PRELID2: variants seen among roughly 807,000 people sequenced by gnomAD.
PRELID2 encodes the protein PRELI domain containing 2, also known as PRELI domain-containing protein 2.
Under a neutral mutation model 28.4 loss-of-function variants are expected in PRELID2, and 25 were observed. The ratio of observed to expected loss-of-function variants is 0.88; its 90% CI spans 0.64 to 1.23. The LOEUF (loss-of-function observed/expected upper bound fraction) is 1.23, where lower values mean the gene tolerates loss of function less well. Ranked by LOEUF, PRELID2 falls within the 50% of genes most tolerant of loss-of-function variation. PRELID2 has a pLI of 0.00. For missense variants in PRELID2, 201 were observed against 214.4 expected (o/e 0.94, Z 0.39); for synonymous variants, 76 against 71.6 (o/e 1.06, Z -0.31).
At chr5:145,499,571 T>G (rs1039741128) in intron 1 of PRELID2, among the ~76,000 whole-genome samples, 4 of 152,196 alleles carry the variant, frequency 2.6e-5, no homozygotes, top group Non-Finnish European at 5.9e-5. Context: ...GTCAGGCATC[T>G]ATGCCAGAGA....
At chr5:145,808,300 C>A (rs1470459488) in intron 4 of PRELID2, among the ~76,000 whole-genome samples, 1 of 151,880 alleles carries the variant, frequency 6.6e-6, no homozygotes, top group East Asian at 1.9e-4. Flanking sequence ...AATGCCAGTG[C>A]CAATCTTAAA....
At chr5:145,448,340 T>C in the PRELID2 span, among the ~76,000 whole-genome samples, 1 of 151,972 alleles carries the variant, frequency 6.6e-6, no homozygotes, top group Non-Finnish European at 1.5e-5. Context: ...TCTTGTAAAT[T>C]TGTTTGAGTT....
chr5:145,353,394 C>T, the PRELID2 span, among the ~76,000 whole-genome samples: 1 of 151,666 alleles, frequency 6.6e-6, no homozygotes, highest in Non-Finnish European at 1.5e-5. Flanking sequence ...ACCCAGGAGC[C>T]AGAGGTTGCA....
At chr5:145,386,608 T>C in the PRELID2 span, among the ~76,000 whole-genome samples, 7 of 152,148 alleles carry the variant, frequency 4.6e-5, no homozygotes, top group Non-Finnish European at 8.8e-5. Context: ...AATTAACCAG[T>C]CTCAGGTATG....
chr5:145,381,370 A>G, the PRELID2 span, among the ~76,000 whole-genome samples: 17 of 152,174 alleles, frequency 1.1e-4, no homozygotes, highest in African/African-American at 3.9e-4. Context: ...GGGAGCCCCA[A>G]AAATCTACAT....
chr5:145,737,283 C>T (rs555157585), intron 1 of PRELID2, among the ~76,000 whole-genome samples: 1 of 152,066 alleles, frequency 6.6e-6, no homozygotes, highest in South Asian at 2.1e-4. Context: ...CGTGTGCTGG[C>T]TCAGAATGAG....
intron 1 of PRELID2, among the ~76,000 whole-genome samples, chr5:145,476,372 T>C (rs1359802581): frequency 6.6e-6 from 1 of 151,920 alleles, no homozygotes; most frequent in Non-Finnish European, 1.5e-5. Flanking sequence ...AGGCCAGGAG[T>C]GGTGGCTCAC....
chr5:145,327,420 T>G, the PRELID2 span, among the ~76,000 whole-genome samples: 1 of 152,108 alleles, frequency 6.6e-6, no homozygotes, highest in African/African-American at 2.4e-5. Flanking sequence ...TTGTACGATA[T>G]AATTAAAGCC....
chr5:145,799,793 G>A (rs749639036), intron 4 of PRELID2, among the ~76,000 whole-genome samples: 6 of 152,072 alleles, frequency 3.9e-5, no homozygotes, highest in Admixed American at 6.6e-5. Context: ...TGAAGGTAAC[G>A]GTGGCTTGTC....
chr5:145,597,194 G>C (rs1336032350), intron 1 of PRELID2, among the ~76,000 whole-genome samples: 1 of 152,052 alleles, frequency 6.6e-6, no homozygotes, highest in Non-Finnish European at 1.5e-5. Flanking sequence ...TAATTATAAG[G>C]CTTCTACAAA....
At chr5:145,246,855 T>G in the PRELID2 span, among the ~76,000 whole-genome samples, 14 of 152,132 alleles carry the variant, frequency 9.2e-5, no homozygotes, top group Middle Eastern at 3.2e-3. Flanking sequence ...AGAAATTTAG[T>G]GTATGGTTTG....
intron 1 of PRELID2, among the ~76,000 whole-genome samples, chr5:145,530,216 G>A (rs960075713): frequency 1.3e-5 from 2 of 152,052 alleles, no homozygotes; most frequent in African/African-American, 4.8e-5. Flanking sequence ...GATAGAGAAC[G>A]CCATTCAATT....
chr5:145,361,501 G>A, the PRELID2 span, among the ~76,000 whole-genome samples: 2 of 152,112 alleles, frequency 1.3e-5, no homozygotes, highest in Admixed American at 6.6e-5. Flanking sequence ...GGTCCCTATT[G>A]AGAATGCATC....
the PRELID2 span, among the ~76,000 whole-genome samples, chr5:145,332,292 C>T: frequency 6.6e-6 from 1 of 152,204 alleles, no homozygotes; most frequent in Admixed American, 6.5e-5. Context: ...CTGTGTATTT[C>T]CTGAATTTGA....
chr5:145,726,543 G>A lies in PRELID2; in HGVS notation n.70+38388C>T, dbSNP rs375069044. Among the ~76,000 whole-genome samples the A allele has an allele frequency of 1.8e-4, 27 of 152,164 alleles. No individual in the cohort carries two copies. The South Asian group carries it at 1.9e-3, about 11-fold the overall frequency. ...ATGGATAAGTAGATGATTAACAGAT[G>A]GATGGATAGATATGTAGACAGATAG... On this transcript the variant is annotated intron_variant and non_coding_transcript_variant, in intron 1 of 2. Coordinates refer to the PRELID2 transcript ENST00000510259.
the PRELID2 span, among the ~76,000 whole-genome samples, chr5:145,350,517 G>T: frequency 6.6e-6 from 1 of 152,108 alleles, no homozygotes. Context: ...GTTGATTGAG[G>T]CCATTATGAA....
intron 1 of PRELID2, among the ~76,000 whole-genome samples, chr5:145,524,536 G>C (rs1050772575): frequency 6.6e-6 from 1 of 152,232 alleles, no homozygotes; most frequent in African/African-American, 2.4e-5. Flanking sequence ...TCCAGAAGCA[G>C]AGCAAAGAGG....
the PRELID2 span, among the ~76,000 whole-genome samples, chr5:145,402,537 C>T: frequency 1.9e-4 from 29 of 152,178 alleles, no homozygotes; most frequent in Non-Finnish European, 3.4e-4. Context: ...AAAATCTGTG[C>T]TGTAGAGCAG....
chr5:145,662,634 G>C (rs1754516194), intron 1 of PRELID2, among the ~76,000 whole-genome samples: 1 of 152,030 alleles, frequency 6.6e-6, no homozygotes, highest in Non-Finnish European at 1.5e-5. Flanking sequence ...GGATTAATGG[G>C]TTAATGGATT....
Sources: gnomAD v4.1 joint callset for allele counts (sites outside exome capture counted in the v4.1 genomes callset) on GRCh38, gnomAD v4.1.1 for gene constraint, MANE v1.5 for transcripts, NCBI Gene and HGNC (gene_info 2026-07-23, HGNC 2026-07-21) for gene names.